STAG1: variants seen among roughly 807,000 people sequenced by gnomAD.
STAG1 encodes STAG1 cohesin complex component.
STAG1 carries 26 observed loss-of-function variants against 170.9 expected under a neutral mutation model. The observed-to-expected ratio is 0.15, with a 90% CI of 0.11 to 0.21. STAG1 has a LOEUF of 0.21. Ranked by LOEUF, STAG1 falls within the 10% of genes least tolerant of loss-of-function variation. The pLI is 1.00. For synonymous variants in STAG1, 514 were observed against 497.7 expected, an observed-to-expected ratio of 1.03 and a Z score of -0.44; for missense variants, 964 against 1,509.5, an observed-to-expected ratio of 0.64 and a Z score of 5.99.
At chr3:136,662,187 T>G (rs1941606524) in intron 1 of STAG1, among the ~76,000 whole-genome samples, 1 of 151,086 alleles carries the variant, frequency 6.6e-6, no homozygotes, top group Admixed American at 6.6e-5. Flanking sequence ...AGTCTTGCTC[T>G]TTCGCCCAGG....
chr3:136,627,119 A>C (rs1194504550), intron 2 of STAG1, among the ~76,000 whole-genome samples: 1 of 152,236 alleles, frequency 6.6e-6, no homozygotes, highest in Non-Finnish European at 1.5e-5. Flanking sequence ...AGAAAAGTAC[A>C]ATTTGTTTAA....
intron 7 of STAG1, among the ~76,000 whole-genome samples, chr3:136,508,305 A>G (rs1933872070): frequency 6.6e-6 from 1 of 152,180 alleles, no homozygotes; most frequent in East Asian, 1.9e-4. Flanking sequence ...ATTACCCTCA[A>G]TAATGTGAGT....
At chr3:136,366,504 T>C (rs1398692097) in intron 25 of STAG1, among the ~76,000 whole-genome samples, 2 of 152,072 alleles carry the variant, frequency 1.3e-5, no homozygotes, top group African/African-American at 2.4e-5. Context: ...TATGCCATAA[T>C]TGGAATTGGA....
At chr3:136,498,931 A>G (rs1427888365) in intron 9 of STAG1, among the ~76,000 whole-genome samples, 1 of 152,146 alleles carries the variant, frequency 6.6e-6, no homozygotes, top group Non-Finnish European at 1.5e-5. Context: ...ATACACATAC[A>G]CACACAACTT....
intron 22 of STAG1, among the ~76,000 whole-genome samples, chr3:136,384,455 G>T (rs1035255389): frequency 7.7e-6 from 1 of 130,186 alleles, no homozygotes; most frequent in Non-Finnish European, 1.6e-5. Flanking sequence ...GTCTCAAAAA[G>T]AAGAAGAAAA....
chr3:136,623,384 A>T, intron 2 of STAG1, 136 bp from the exon 3 acceptor site: 1 of 622,416 alleles, frequency 1.6e-6, no homozygotes, highest in Non-Finnish European at 2.6e-6. Flanking sequence ...CTCTCTAGCA[A>T]ACTAAAAATG....
chr3:136,602,577 A>G (rs1030466177), intron 4 of STAG1, among the ~76,000 whole-genome samples: 1 of 152,054 alleles, frequency 6.6e-6, no homozygotes, highest in African/African-American at 2.4e-5. Flanking sequence ...GAGGCCGGGC[A>G]TGGTGACTCA....
At chr3:136,354,480 T>C (rs1179638024) in intron 28 of STAG1, among the ~76,000 whole-genome samples, 3 of 151,572 alleles carry the variant, frequency 2.0e-5, no homozygotes, top group Non-Finnish European at 4.4e-5. Context: ...TTTTGTATTG[T>C]TATTAGAGAT....
intron 1 of STAG1, among the ~76,000 whole-genome samples, chr3:136,648,951 A>C (rs1941123014): frequency 6.6e-6 from 1 of 152,148 alleles, no homozygotes; most frequent in Non-Finnish European, 1.5e-5. Context: ...ACTCTCTACC[A>C]CTTCGAGGAT....
intron 4 of STAG1, among the ~76,000 whole-genome samples, chr3:136,598,131 G>A (rs992943128): frequency 6.6e-6 from 1 of 152,050 alleles, no homozygotes; most frequent in African/African-American, 2.4e-5. Context: ...GTATTCCTAA[G>A]ATAAAACCTT....
chr3:136,680,386 A>C (rs1377386688), intron 1 of STAG1, among the ~76,000 whole-genome samples: 1 of 152,232 alleles, frequency 6.6e-6, no homozygotes, highest in Non-Finnish European at 1.5e-5. Flanking sequence ...AAAAATCTTC[A>C]CATAAAGGCC....
chr3:136,534,789 CTGT>C (rs1449718625), intron 6 of STAG1, among the ~76,000 whole-genome samples: 1 of 152,170 alleles, frequency 6.6e-6, no homozygotes, highest in Non-Finnish European at 1.5e-5. Flanking sequence ...CTTCTATACA[CTGT>C]TGGTGGGAAT....
chr3:136,435,421 A>T (rs1281688355), intron 15 of STAG1, among the ~76,000 whole-genome samples: 1 of 152,182 alleles, frequency 6.6e-6, no homozygotes, highest in Non-Finnish European at 1.5e-5. Flanking sequence ...TCTCTTAAGC[A>T]CTACGCTATA....
intron 5 of STAG1, among the ~76,000 whole-genome samples, chr3:136,543,855 A>G (rs1936023676): frequency 6.6e-6 from 1 of 152,206 alleles, no homozygotes; most frequent in Non-Finnish European, 1.5e-5. Context: ...CCTGTAACAT[A>G]AAAGATACTC....
chr3:136,378,947 A>C (rs112398858), intron 22 of STAG1, among the ~76,000 whole-genome samples: 7 of 152,242 alleles, frequency 4.6e-5, no homozygotes, highest in African/African-American at 1.4e-4. Flanking sequence ...TCTTTAAGCC[A>C]CTCTATTTTA....
intron 1 of STAG1, among the ~76,000 whole-genome samples, chr3:136,667,411 T>TAGAC (rs766167656): frequency 9.9e-5 from 15 of 151,262 alleles, no homozygotes; most frequent in Admixed American, 2.6e-4. Flanking sequence ...GATAGATAGA[T>TAGAC]AGACAGACAG....
chr3:136,417,802 C>G (rs748156586), intron 21 of STAG1, 83 bp downstream of exon 21: 1 of 1,004,080 alleles, frequency 1.0e-6, no homozygotes, highest in Non-Finnish European at 1.6e-6. Flanking sequence ...CAATTACTTT[C>G]TATAAAAGGC....
chr3:136,654,412 T>C (rs1941308593), intron 1 of STAG1, among the ~76,000 whole-genome samples: 1 of 152,156 alleles, frequency 6.6e-6, no homozygotes, highest in Admixed American at 6.5e-5. Context: ...AGCAGTGAAA[T>C]GTTAATGAAT....
At chr3:136,410,430 A>T in intron 21 of STAG1, among the ~76,000 whole-genome samples, 1 of 152,070 alleles carries the variant, frequency 6.6e-6, no homozygotes, top group East Asian at 1.9e-4. Context: ...CCTAAGACCA[A>T]CATCAGAAGG....
Sources: allele counts gnomAD v4.1 joint callset (sites outside exome capture counted in the v4.1 genomes callset), GRCh38; gene constraint gnomAD v4.1.1; transcripts MANE v1.5; gene names NCBI Gene and HGNC (gene_info 2026-07-23, HGNC 2026-07-21).